The following ARHGAP17 variants were observed in gnomAD, a reference collection of about 807,000 sequenced individuals.
The protein encoded by ARHGAP17 is rho GTPase-activating protein 17.
A neutral mutation model predicts 99.5 loss-of-function variants in ARHGAP17; 57 were observed. The observed-to-expected ratio is 0.57, with a 90% CI of 0.46 to 0.71. The LOEUF is 0.71. Ranked by LOEUF, ARHGAP17 falls within the 30% of genes least tolerant of loss-of-function variation. ARHGAP17 has a pLI of 0.00. For synonymous variants in ARHGAP17, 417 were observed against 429.6 expected (o/e 0.97, Z 0.36); for missense variants, 1,000 against 1,122.4 (o/e 0.89, Z 1.56).
chr16:24,999,489 TCA>T (rs375118071), intron 1 of ARHGAP17, among the ~76,000 whole-genome samples: 8 of 152,228 alleles, frequency 5.3e-5, no homozygotes, highest in African/African-American at 1.9e-4. Flanking sequence ...CAATCATGAC[TCA>T]CTGCAGCTCC....
At chr16:24,928,813 T>C (rs1044554939) in intron 19 of ARHGAP17, among the ~76,000 whole-genome samples, 1 of 152,208 alleles carries the variant, frequency 6.6e-6, no homozygotes, top group Admixed American at 6.5e-5. Flanking sequence ...ACAGTGCCTT[T>C]TAAAAAGCTC....
intron 1 of ARHGAP17, among the ~76,000 whole-genome samples, chr16:25,006,547 G>A (rs2053513011): frequency 1.3e-5 from 2 of 152,186 alleles, no homozygotes; most frequent in Admixed American, 1.3e-4. Flanking sequence ...GGACTGACAG[G>A]TGACTAGGGA....
intron 1 of ARHGAP17, among the ~76,000 whole-genome samples, chr16:24,998,885 C>T (rs1671158836): frequency 6.6e-6 from 1 of 152,152 alleles, no homozygotes; most frequent in Non-Finnish European, 1.5e-5. Context: ...GGGACCAAGC[C>T]AGGGCGGGAG....
intron 1 of ARHGAP17, among the ~76,000 whole-genome samples, chr16:25,008,693 T>C (rs550093541): frequency 9.8e-5 from 15 of 152,346 alleles, no homozygotes; most frequent in South Asian, 2.1e-4. Flanking sequence ...TTTTGCCTCG[T>C]CCACTCTGCT....
chr16:24,954,528 G>A lies in ARHGAP17; in HGVS notation c.852+75C>T, dbSNP rs2051746105. ...ACTAAGCAGGGGTGGACAGGGGGCTGGCGGGGAGCATGGTGCTCTGGGTAC... is the reference window on the plus strand; with the variant it reads ...ACTAAGCAGGGGTGGACAGGGGGCTAGCGGGGAGCATGGTGCTCTGGGTAC... On this transcript the variant is annotated intron_variant, in intron 10 of 19. Coordinates refer to ENST00000289968, the MANE Select transcript of ARHGAP17 (RefSeq NM_001006634.3). 5.2e-6 allele frequency: 8 copies of A among 1,537,134 alleles called. No homozygotes were observed. In the South Asian group the frequency reaches 7.7e-5, roughly 15 times the overall value.
intron 1 of ARHGAP17, among the ~76,000 whole-genome samples, chr16:25,014,493 A>C (rs74963174): frequency 0.062 from 9,510 of 152,292 alleles, 889 homozygotes; most frequent in African/African-American, 0.2. Flanking sequence ...GAAGATAAAG[A>C]AGCATTTGTT....
intron 6 of ARHGAP17, among the ~76,000 whole-genome samples, chr16:24,966,855 G>C (rs2052201778): frequency 6.6e-6 from 1 of 152,160 alleles, no homozygotes. Flanking sequence ...AAGGCACAAA[G>C]CAAGTCATAT....
At chr16:24,934,927 C>G (rs2051094625) in intron 18 of ARHGAP17, among the ~76,000 whole-genome samples, 1 of 152,036 alleles carries the variant, frequency 6.6e-6, no homozygotes, top group African/African-American at 2.4e-5. Flanking sequence ...AGAGGTAGGC[C>G]CCACCAAAGC....
Position 24,943,772 on chromosome 16 carries a change from T to G in ARHGAP17, c.1332A>C (p.Glu444Asp). Reference sequence around the variant, plus strand: ...CAATGAAACTGAAGTGAGAATTACCTTCAGGGAAGAACCAGTCGGCATGCT... The same window carrying G: ...CAATGAAACTGAAGTGAGAATTACCGTCAGGGAAGAACCAGTCGGCATGCT... ...IIQHADWFFP[E>D]EVEFNVSEAF... Residue 444 changes from glutamate to aspartate, a missense_variant and splice_region_variant, in exon 15 of 20, where the codon GAA (glutamate) becomes GAC (aspartate). By Grantham distance (45) the Glu-to-Asp change is conservative. This residue lies in a region of ARHGAP17 where 472 missense variants were observed against 611.1 expected (regional missense o/e 0.77). Transcript: ENST00000289968. The G allele has an allele frequency of 2.5e-6, 4 of 1,613,904 alleles. No homozygotes were observed. Among genetic ancestry groups the G allele is most frequent in the Middle Eastern group, 1.7e-4 (1 of 6,060 alleles).
At position 24,947,463 on chromosome 16, in the gene ARHGAP17, A is replaced by G. The variant is rs999991517; in HGVS notation, c.1241+19T>C. Reference sequence around the variant, plus strand: ...GTGGGAAAGAAGAAATTCAAATGATACAGAGAAAGATGACTTACCCTTCAT... The same window carrying G: ...GTGGGAAAGAAGAAATTCAAATGATGCAGAGAAAGATGACTTACCCTTCAT... On this transcript the variant is annotated intron_variant, in intron 14 of 19. Transcript: ENST00000289968. 1.3e-6 allele frequency: 2 copies of G among 1,592,852 alleles called. No individual in the cohort carries two copies. The highest frequency in any genetic ancestry group is 1.7e-6 in the Non-Finnish European group (2 of 1,162,198).
At chr16:24,953,938 G>A (rs1387839314) in intron 10 of ARHGAP17, among the ~76,000 whole-genome samples, 2 of 151,976 alleles carry the variant, frequency 1.3e-5, no homozygotes, top group Non-Finnish European at 2.9e-5. Flanking sequence ...TCTGAGCGCC[G>A]ACTCCATGGG....
At chr16:24,988,056 G>A (rs752243736) in intron 1 of ARHGAP17, among the ~76,000 whole-genome samples, 26 of 152,106 alleles carry the variant, frequency 1.7e-4, no homozygotes, top group South Asian at 6.2e-4. Flanking sequence ...GTCACCTCCC[G>A]TTACAAGTGT....
In ARHGAP17 at chr16:24,939,471, G is replaced by C. The variant is rs970896717; in HGVS notation, c.1617C>G (p.Gly539=). 3 of 1,611,054 alleles carry C rather than the reference G, an allele frequency of 1.9e-6. No homozygotes were observed. The highest frequency in any genetic ancestry group is 3.4e-5 in the Admixed American group (2 of 59,600). The change falls in exon 17 of 20, where the codon GGC becomes GGG. Residue 539 remains glycine (G), a synonymous_variant. Transcript: ENST00000289968. Reference sequence around the variant, plus strand: ...TAGAGCTCTGGGGAGGGGGCTCTGGGCCAGCGGGCACCACGGTGCTGCCAT... The same window carrying C: ...TAGAGCTCTGGGGAGGGGGCTCTGGCCCAGCGGGCACCACGGTGCTGCCAT... ...PTDGSTVVPA[G]PEPPPQSSRA... is the part of the protein sequence containing the mutation.
intron 14 of ARHGAP17, 67 bp downstream of exon 14, chr16:24,947,415 T>C: frequency 7.3e-7 from 1 of 1,372,710 alleles, no homozygotes; most frequent in Non-Finnish European, 1.0e-6. Context: ...TAACCTGAGT[T>C]ACATTTCTAT....
chr16:24,980,161 G>A (rs1021382091), intron 1 of ARHGAP17, among the ~76,000 whole-genome samples: 11 of 152,282 alleles, frequency 7.2e-5, no homozygotes, highest in African/African-American at 2.6e-4. Context: ...AAAGCTCTTG[G>A]GCCAGAAAGT....
chr16:24,946,714 G>A (rs4787656), intron 14 of ARHGAP17, among the ~76,000 whole-genome samples: 85,177 of 151,934 alleles, frequency 0.56, 26,608 homozygotes, highest in African/African-American at 0.83. Context: ...CAGGGACGGG[G>A]AGGCAAGGCT....
chr16:24,985,553 T>C (rs2052840093), intron 1 of ARHGAP17, among the ~76,000 whole-genome samples: 1 of 152,202 alleles, frequency 6.6e-6, no homozygotes, highest in South Asian at 2.1e-4. Context: ...GCGACCTCCC[T>C]CTTCCACTGC....
At chr16:24,968,180 C>T (rs1479593440) in intron 6 of ARHGAP17, among the ~76,000 whole-genome samples, 171 bp downstream of exon 6, 2 of 152,328 alleles carry the variant, frequency 1.3e-5, no homozygotes, top group East Asian at 3.9e-4. Context: ...ACAACATCCC[C>T]ACTGCCACGC....
chr16:25,005,676 G>A (rs142597351), intron 1 of ARHGAP17, among the ~76,000 whole-genome samples: 2 of 151,788 alleles, frequency 1.3e-5, no homozygotes, highest in East Asian at 2.0e-4. Flanking sequence ...ATAACTAAAC[G>A]TTAATTCCAT....
Sources: gnomAD v4.1 joint callset for allele counts (sites outside exome capture counted in the v4.1 genomes callset) on GRCh38, gnomAD v4.1.1 for gene constraint, gnomAD v4.1.1 regional missense constraint, MANE v1.5 for transcripts, NCBI Gene and HGNC (gene_info 2026-07-23, HGNC 2026-07-21) for gene names.